ERC2: variants seen among roughly 807,000 people sequenced by gnomAD.
The protein encoded by ERC2 is ERC protein 2.
In ERC2, 42 loss-of-function variants were observed where a neutral mutation model predicts 114.8. The observed-to-expected ratio is 0.37, with a 90% CI of 0.29 to 0.47. The LOEUF (loss-of-function observed/expected upper bound fraction) is 0.47, where lower values mean the gene tolerates loss of function less well. Ranked by LOEUF, ERC2 falls within the 20% of genes least tolerant of loss-of-function variation. The pLI is 0.99. For synonymous variants in ERC2, 454 were observed against 425.5 expected, an observed-to-expected ratio of 1.07 and a Z score of -0.82; for missense variants, 939 against 1,150.7, an observed-to-expected ratio of 0.82 and a Z score of 2.66.
chr3:56,001,211 T>C (rs1576515679), intron 10 of ERC2, among the ~76,000 whole-genome samples: 1 of 151,912 alleles, frequency 6.6e-6, no homozygotes, highest in Non-Finnish European at 1.5e-5. Context: ...CAAAAAGATG[T>C]CTAGGTGGAG....
intron 14 of ERC2, among the ~76,000 whole-genome samples, chr3:55,811,831 C>T (rs949062116): frequency 1.3e-5 from 2 of 152,130 alleles, no homozygotes; most frequent in East Asian, 1.9e-4. Context: ...CTCACAATTG[C>T]CTATTTGTCT....
chr3:56,009,884 G>T (rs1373039767), intron 9 of ERC2, among the ~76,000 whole-genome samples: 1 of 152,188 alleles, frequency 6.6e-6, no homozygotes, highest in East Asian at 1.9e-4. Context: ...ATTCATGTTT[G>T]CTATGGTATA....
intron 17 of ERC2, among the ~76,000 whole-genome samples, chr3:55,576,321 A>AT (rs975018007): frequency 3.9e-5 from 6 of 152,084 alleles, no homozygotes; most frequent in African/African-American, 1.2e-4. Context: ...AAAAAAAAAA[A>AT]AAATAAATCC....
intron 14 of ERC2, among the ~76,000 whole-genome samples, chr3:55,837,761 A>G (rs1181823525): frequency 6.6e-6 from 1 of 152,132 alleles, no homozygotes. Flanking sequence ...AATAAAAAAA[A>G]AGACAGAACC....
At chr3:56,246,421 G>A (rs931780652) in intron 3 of ERC2, among the ~76,000 whole-genome samples, 1 of 152,086 alleles carries the variant, frequency 6.6e-6, no homozygotes, top group African/African-American at 2.4e-5. Context: ...CCTGTGGGGG[G>A]CACAATCTTC....
chr3:55,655,529 T>C (rs905302807), intron 17 of ERC2, among the ~76,000 whole-genome samples: 2 of 152,222 alleles, frequency 1.3e-5, no homozygotes, highest in African/African-American at 4.8e-5. Context: ...GATATGGCTA[T>C]ACTGAGCTTG....
At chr3:56,311,536 T>C (rs2056579469) in intron 2 of ERC2, among the ~76,000 whole-genome samples, 1 of 151,706 alleles carries the variant, frequency 6.6e-6, no homozygotes, top group African/African-American at 2.4e-5. Context: ...CCTGACCTCG[T>C]GATCCGCCCG....
At chr3:55,838,424 A>T (rs1206501504) in intron 14 of ERC2, among the ~76,000 whole-genome samples, 1 of 152,144 alleles carries the variant, frequency 6.6e-6, no homozygotes, top group African/African-American at 2.4e-5. Context: ...ATCCCCAAAT[A>T]TTTGAAAATT....
intron 3 of ERC2, among the ~76,000 whole-genome samples, chr3:56,224,529 C>T (rs1233152936): frequency 6.6e-6 from 1 of 152,008 alleles, no homozygotes; most frequent in Non-Finnish European, 1.5e-5. Context: ...GGGAACAGTG[C>T]CACAGTCTAT....
intron 10 of ERC2, among the ~76,000 whole-genome samples, chr3:56,004,340 T>C (rs2072306751): frequency 6.6e-6 from 1 of 152,060 alleles, no homozygotes; most frequent in African/African-American, 2.4e-5. Flanking sequence ...AATTTGCAAT[T>C]ATGCATTATT....
intron 2 of ERC2, among the ~76,000 whole-genome samples, chr3:56,386,750 T>C (rs1482326323): frequency 6.6e-6 from 1 of 152,152 alleles, no homozygotes; most frequent in Non-Finnish European, 1.5e-5. Context: ...CTACTGCTAC[T>C]GAAAATGATA....
At chr3:55,864,847 T>C (rs935293768) in intron 14 of ERC2, among the ~76,000 whole-genome samples, 1 of 152,066 alleles carries the variant, frequency 6.6e-6, no homozygotes, top group Admixed American at 6.6e-5. Flanking sequence ...TTACTGTCAT[T>C]ATAACCATCA....
chr3:56,037,737 A>G (rs2074896158), intron 7 of ERC2, among the ~76,000 whole-genome samples: 1 of 152,188 alleles, frequency 6.6e-6, no homozygotes, highest in South Asian at 2.1e-4. Context: ...GATCAACCCC[A>G]AGACACAGAA....
chr3:55,987,261 C>T (rs1055961739), intron 11 of ERC2, among the ~76,000 whole-genome samples: 2 of 152,212 alleles, frequency 1.3e-5, no homozygotes. Flanking sequence ...GCAACACTGG[C>T]CCAAGCTGCC....
chr3:56,258,166 T>C (rs34484508), intron 3 of ERC2, among the ~76,000 whole-genome samples: 68,338 of 152,054 alleles, frequency 0.45, 15,646 homozygotes, highest in Middle Eastern at 0.49. Context: ...TCTAGGACCC[T>C]GCAGTGCACC....
At chr3:56,300,742 C>A (rs554934366) in intron 2 of ERC2, among the ~76,000 whole-genome samples, 1 of 152,182 alleles carries the variant, frequency 6.6e-6, no homozygotes, top group South Asian at 2.1e-4. Context: ...ACTTAAGTAA[C>A]CTGCTCCCAG....
At chr3:56,270,800 A>G (rs1038479947) in intron 3 of ERC2, among the ~76,000 whole-genome samples, 4 of 152,194 alleles carry the variant, frequency 2.6e-5, no homozygotes, top group African/African-American at 9.6e-5. Flanking sequence ...TAACACAGTG[A>G]AACCCCGTCT....
chr3:56,054,948 C>A (rs1204425802), intron 7 of ERC2, among the ~76,000 whole-genome samples: 3 of 152,164 alleles, frequency 2.0e-5, no homozygotes, highest in African/African-American at 7.2e-5. Flanking sequence ...AAATGTCGGT[C>A]TTCAGAGGCT....
At position 56,038,774 on chromosome 3, in the gene ERC2, T is replaced by C. The variant is rs529928438; in HGVS notation, c.1642-19743A>G. Among the ~76,000 whole-genome samples the C allele has an allele frequency of 2.6e-5, 4 of 152,316 alleles. No homozygotes were observed. In the South Asian group the frequency reaches 8.3e-4, roughly 32 times the overall value. ...AGCCATAAAAAGGAATAAGATCATGTCCTTTGCAGGGACATGGATGGAGCT... is the reference window on the plus strand; with the variant it reads ...AGCCATAAAAAGGAATAAGATCATGCCCTTTGCAGGGACATGGATGGAGCT... On this transcript the variant is annotated intron_variant, in intron 7 of 17. Transcript: ENST00000288221.
Sources: allele counts gnomAD v4.1 joint callset (sites outside exome capture counted in the v4.1 genomes callset), GRCh38; gene constraint gnomAD v4.1.1; transcripts MANE v1.5; gene names NCBI Gene and HGNC (gene_info 2026-07-23, HGNC 2026-07-21).